SPAG17: variants seen among roughly 807,000 people sequenced by gnomAD.
SPAG17 encodes sperm-associated antigen 17.
A neutral mutation model predicts 273.6 loss-of-function variants in SPAG17; 169 were observed. The observed-to-expected ratio is 0.62, with a 90% CI of 0.55 to 0.70. SPAG17 has a LOEUF of 0.70. Among genes scored for constraint, SPAG17 ranks in the 30% least tolerant of loss-of-function variants. SPAG17 has a pLI of 0.00. For synonymous variants in SPAG17, 825 were observed against 873.2 expected (o/e 0.94, Z 0.97); for missense variants, 2,557 against 2,627.8 (o/e 0.97, Z 0.59).
Position 118,042,019 on chromosome 1 carries a change from T to A in SPAG17, c.2838A>T (p.Arg946=), listed in dbSNP as rs2101932460. Residue 946 remains arginine, a synonymous_variant, in exon 21 of 49, where the codon CGA becomes CGT. Transcript: ENST00000336338. ...SLKAWKEEQH[R]LAEEERLREE... ...CCCTTAAGCGCTCCTCTTCTGCTAA[T>A]CGATGTTGCTCTTCTTTCCATGCCT... 6.2e-7 allele frequency: 1 copy of A among 1,612,248 alleles called. No individual in the cohort carries two copies. Among genetic ancestry groups the A allele is most frequent in the Admixed American group, 1.7e-5 (1 of 59,616 alleles).
chr1:118,055,054 A>T (rs13374334), intron 19 of SPAG17, among the ~76,000 whole-genome samples: 11,000 of 152,158 alleles, frequency 0.072, 607 homozygotes, highest in East Asian at 0.31. Flanking sequence ...AATTATCTCA[A>T]CGTTTCACTT....
intron 3 of SPAG17, among the ~76,000 whole-genome samples, chr1:118,125,085 A>G (rs1264598192): frequency 6.6e-6 from 1 of 152,076 alleles, no homozygotes; most frequent in East Asian, 1.9e-4. Flanking sequence ...TCAACTCTAA[A>G]TAGCTGAGCT....
rs1186246370 is a variant in SPAG17, at chr1:118,066,725, A to G, written c.2540+20T>C. Reference sequence around the variant, plus strand: ...ACTAAACCCAACTAACTAATTAACTAAACTTTCCAAATTTGTTACCTGAAT... The same window carrying G: ...ACTAAACCCAACTAACTAATTAACTGAACTTTCCAAATTTGTTACCTGAAT... On this transcript the variant is annotated intron_variant, in intron 18 of 48. Coordinates refer to ENST00000336338, the MANE Select transcript of SPAG17 (RefSeq NM_206996.4). 1 of 1,602,816 alleles carries G rather than the reference A, an allele frequency of 6.2e-7. No homozygotes were observed. The highest frequency in any genetic ancestry group is 8.5e-7 in the Non-Finnish European group (1 of 1,174,840).
At chr1:117,955,363 G>A in intron 48 of SPAG17, 2 of 1,612,106 alleles carry the variant, frequency 1.2e-6, no homozygotes, top group Non-Finnish European at 1.7e-6. Context: ...GTCGAGGTGA[G>A]TGAGTCCTTG....
At chr1:118,018,912 C>G (rs531015650) in intron 28 of SPAG17, among the ~76,000 whole-genome samples, 1 of 150,694 alleles carries the variant, frequency 6.6e-6, no homozygotes, top group African/African-American at 2.4e-5. Flanking sequence ...CATCTAAAGA[C>G]AAGTCCCAGC....
intron 3 of SPAG17, among the ~76,000 whole-genome samples, chr1:118,144,086 G>A (rs1485770599): frequency 2.0e-5 from 3 of 152,260 alleles, no homozygotes; most frequent in Non-Finnish European, 4.4e-5. Context: ...CAGGGTGGAA[G>A]AGAGCTGGGG....
chr1:118,148,150 C>T (rs1011359437), intron 3 of SPAG17, among the ~76,000 whole-genome samples: 2 of 152,140 alleles, frequency 1.3e-5, no homozygotes, highest in South Asian at 2.1e-4. Flanking sequence ...TGCAGAGTTT[C>T]CTTTGAGAAA....
intron 42 of SPAG17, among the ~76,000 whole-genome samples, chr1:117,983,253 G>A (rs766975938): frequency 3.9e-5 from 6 of 152,098 alleles, no homozygotes; most frequent in South Asian, 2.1e-4. Flanking sequence ...AGAACAGCAC[G>A]GGAAAGACCT....
chr1:118,134,815 C>G (rs1029292545), intron 3 of SPAG17, among the ~76,000 whole-genome samples: 1 of 152,230 alleles, frequency 6.6e-6, no homozygotes, highest in Non-Finnish European at 1.5e-5. Flanking sequence ...TGCTGTCTGT[C>G]TGCCTGACTT....
At chr1:118,076,466 C>T (rs1368547243) in intron 15 of SPAG17, 1 of 152,188 alleles carries the variant, frequency 6.6e-6, no homozygotes, top group East Asian at 1.9e-4. Context: ...GAAGAGAAAA[C>T]TCAGGCCAAC....
intron 3 of SPAG17, among the ~76,000 whole-genome samples, chr1:118,127,425 G>C (rs1424157707): frequency 6.6e-6 from 1 of 152,126 alleles, no homozygotes; most frequent in Admixed American, 6.5e-5. Flanking sequence ...AGATGGGAGT[G>C]TGGGGAGGTG....
At chr1:118,008,673 G>A (rs1377772108) in intron 30 of SPAG17, among the ~76,000 whole-genome samples, 1 of 151,962 alleles carries the variant, frequency 6.6e-6, no homozygotes, top group African/African-American at 2.4e-5. Context: ...CAATATAAAT[G>A]TGTGTGCTTT....
intron 3 of SPAG17, among the ~76,000 whole-genome samples, chr1:118,144,019 C>T (rs937273849): frequency 1.1e-4 from 17 of 152,196 alleles, no homozygotes; most frequent in Non-Finnish European, 2.5e-4. Flanking sequence ...GTGTCTACCT[C>T]CCCTCTCCTG....
chr1:118,064,596 GGAGGGGGGA>G, intron 18 of SPAG17, among the ~76,000 whole-genome samples: 1 of 102,540 alleles, frequency 9.8e-6, no homozygotes, highest in Non-Finnish European at 1.9e-5. Context: ...TGGGGTGGGG[GGAGGGGGGA>G]GGGATAGCAT....
At chr1:117,954,494 A>G (rs1651872576) in intron 48 of SPAG17, 1 of 1,343,492 alleles carries the variant, frequency 7.4e-7, no homozygotes, top group Non-Finnish European at 1.0e-6. Flanking sequence ...TTTCAAAATT[A>G]TAAAATACAG....
chr1:118,004,268 G>C (rs566273526), intron 32 of SPAG17, among the ~76,000 whole-genome samples: 63 of 152,300 alleles, frequency 4.1e-4, no homozygotes, highest in African/African-American at 1.5e-3. Flanking sequence ...CTACACGGGG[G>C]TCATGGACCC....
rs200348702 is a variant in SPAG17 at position 118,125,393 on chromosome 1, ATCT to A, written c.316-9955_316-9953del. 2.2e-3 allele frequency among the ~76,000 whole-genome samples: 340 copies of A among 152,196 alleles called. 2 individuals carry two copies. The highest frequency in any genetic ancestry group is 7.8e-3 in the African/African-American group (322 of 41,502). On this transcript the variant is annotated intron_variant, in intron 3 of 48. Coordinates refer to ENST00000336338, the MANE Select transcript of SPAG17 (RefSeq NM_206996.4). ...TTCTTTGTGTTAGGAACAATTCAAA[ATCT>A]TCTTTTTTAGCTATTTGAACTACAT... is the stretch of plus-strand genomic sequence containing the variant.
At chr1:118,116,390 A>G (rs1333225550) in intron 3 of SPAG17, among the ~76,000 whole-genome samples, 1 of 152,116 alleles carries the variant, frequency 6.6e-6, no homozygotes, top group Non-Finnish European at 1.5e-5. Context: ...TAACCTTGGG[A>G]TGAATTAGGT....
intron 18 of SPAG17, 70 bp downstream of exon 18, chr1:118,066,675 A>G (rs894095228): frequency 1.5e-6 from 2 of 1,356,758 alleles, no homozygotes; most frequent in Non-Finnish European, 2.1e-6. Context: ...ACTAACACCT[A>G]AGTAACTAAG....
Sources: gnomAD v4.1 joint callset for allele counts (sites outside exome capture counted in the v4.1 genomes callset) on GRCh38, gnomAD v4.1.1 for gene constraint, MANE v1.5 for transcripts, NCBI Gene and HGNC (gene_info 2026-07-23, HGNC 2026-07-21) for gene names.